The following TAPT1 variants were observed in gnomAD, a reference collection of about 807,000 sequenced individuals.
The protein encoded by TAPT1 is transmembrane anterior posterior transformation protein 1 homolog.
A neutral mutation model predicts 65.6 loss-of-function variants in TAPT1; 28 were observed. The observed-to-expected ratio is 0.43, with a 90% CI of 0.32 to 0.59. TAPT1 has a LOEUF of 0.59. TAPT1 is among the 20% of genes least tolerant of loss of function. The probability of loss-of-function intolerance (pLI) is 0.09; values close to 1 mark genes in which losing one functional copy is unlikely to be tolerated. For missense variants in TAPT1, 563 were observed against 679.9 expected (o/e 0.83, Z 1.91); for synonymous variants, 278 against 245.2 (o/e 1.13, Z -1.25).
At position 16,205,150 on chromosome 4, in the gene TAPT1, T is replaced by TC. The variant is rs145946825; in HGVS notation, c.331-2571dup. ...CTTCACCTTTTAAAAAATCTACGTG[T>TC]CCCTTTATGACAAAAATCTCCTGCC... On this transcript the variant is annotated intron_variant, in intron 2 of 13. Transcript: ENST00000405303. Among the ~76,000 whole-genome samples the TC allele has an allele frequency of 1.5e-3, 231 of 152,310 alleles. 1 individual carries two copies. The highest frequency in any genetic ancestry group is 5.2e-3 in the African/African-American group (218 of 41,568).
chr4:16,164,492 C>G (rs903255286), intron 13 of TAPT1, among the ~76,000 whole-genome samples: 6 of 152,214 alleles, frequency 3.9e-5, no homozygotes, highest in African/African-American at 1.4e-4. Flanking sequence ...CTTCTCATAA[C>G]ATGACCCCTG....
At chr4:16,187,719 A>G (rs1260440402) in intron 5 of TAPT1, among the ~76,000 whole-genome samples, 1 of 152,230 alleles carries the variant, frequency 6.6e-6, no homozygotes, top group African/African-American at 2.4e-5. Context: ...CTGCTTATAC[A>G]GTAAAGCACT....
chr4:16,189,027 A>T (rs1280182026), intron 4 of TAPT1, among the ~76,000 whole-genome samples: 1 of 152,180 alleles, frequency 6.6e-6, no homozygotes, highest in Non-Finnish European at 1.5e-5. Flanking sequence ...ATATCATTTG[A>T]CCTACTCATA....
At chr4:16,199,841 T>C (rs28618674) in intron 3 of TAPT1, among the ~76,000 whole-genome samples, 71,936 of 151,978 alleles carry the variant, frequency 0.47, 18,215 homozygotes, top group African/African-American at 0.66. Context: ...CCTCCCACCT[T>C]GGCCTCCCAA....
Position 16,226,328 on chromosome 4 carries a change from G to A in TAPT1, c.130C>T (p.Pro44Ser), listed in dbSNP as rs867094605. The change falls in exon 1 of 14, where the codon CCT (proline) becomes TCT (serine). Residue 44 changes from proline (P) to serine (S), a missense_variant. Physicochemically the swap from Pro to Ser is moderately conservative, Grantham distance 74. Transcript: ENST00000405303. ...GSGGQGPPPAPQLTETLGFYE... is the reference protein window; with the variant it reads ...GSGGQGPPPASQLTETLGFYE... ...AAGCCCAGCGTCTCTGTGAGCTGAG[G>A]CGCCGGCGGGGGCCCCTGTCCGCCG... 2 of 1,120,824 alleles carry A rather than the reference G, an allele frequency of 1.8e-6. No homozygotes were observed. Among genetic ancestry groups the A allele is most frequent in the South Asian group, 8.6e-5 (2 of 23,388 alleles). The allele number at this position is 1,120,824 out of a possible 1,614,324, so 69.4% of individuals were successfully genotyped here. A position where few individuals can be genotyped will look rare whatever the true frequency, so the allele number is the denominator to read the frequency against.
At chr4:16,227,073 C>G (rs1211345119), upstream of TAPT1, 1 of 454,812 alleles carries the variant, frequency 2.2e-6, no homozygotes, top group Admixed American at 2.3e-5. Flanking sequence ...GGTTCCATCT[C>G]TTCTGCATAT....
At position 16,219,760 on chromosome 4, in the gene TAPT1, T is replaced by C. The variant is rs80279881; in HGVS notation, c.200-5862A>G. Among the ~76,000 whole-genome samples, 372 of 152,330 alleles carry C rather than the reference T, an allele frequency of 2.4e-3. 6 individuals carry two copies. The East Asian group carries it at 0.061, about 25-fold the overall frequency. The stretch of plus-strand genomic sequence containing the variant: ...GAGAGTTAAACAGAGCAATTAATGG[T>C]GTCCATATTTTGTCCATTTTCATAT... On this transcript the variant is annotated intron_variant, in intron 1 of 13. Transcript: ENST00000405303.
At chr4:16,219,273 T>C (rs528794305) in intron 1 of TAPT1, among the ~76,000 whole-genome samples, 2 of 152,332 alleles carry the variant, frequency 1.3e-5, no homozygotes, top group Admixed American at 1.3e-4. Flanking sequence ...TCAAGTGCCT[T>C]TGTAAACAGG....
chr4:16,163,433 A>G lies in TAPT1; in HGVS notation c.1579T>C (p.Leu527=). 6.2e-7 allele frequency: 1 copy of G among 1,614,024 alleles called. No individual in the cohort carries two copies. The highest frequency in any genetic ancestry group is 8.5e-7 in the Non-Finnish European group (1 of 1,179,882). Residue 527 remains leucine (L), a synonymous_variant, in exon 14 of 14, where the codon TTG becomes CTG. Coordinates refer to ENST00000405303, the MANE Select transcript of TAPT1 (RefSeq NM_153365.3). ...TTCTCGTCACCATCTGGAGTTGTCA[A>G]AAACTGATCAGAATTGCTTGTCACA... ...LLVTSNSDQF[L]TTPDGDEKDI...
intron 1 of TAPT1, among the ~76,000 whole-genome samples, chr4:16,217,911 C>T (rs1751033607): frequency 6.6e-6 from 1 of 152,108 alleles, no homozygotes; most frequent in South Asian, 2.1e-4. Context: ...AACCTCAAAC[C>T]CCCTGAGGGA....
chr4:16,181,521 G>C (rs188346447), intron 7 of TAPT1, among the ~76,000 whole-genome samples: 1 of 152,144 alleles, frequency 6.6e-6, no homozygotes, highest in African/African-American at 2.4e-5. Context: ...CATTTCTAAG[G>C]ATACTGATGA....
intron 12 of TAPT1, among the ~76,000 whole-genome samples, chr4:16,168,786 T>C (rs1008874268): frequency 6.6e-6 from 1 of 152,250 alleles, no homozygotes; most frequent in East Asian, 1.9e-4. Context: ...TGGCTTCTTT[T>C]TGGCCAAGCC....
chr4:16,166,527 C>A (rs762474377), intron 13 of TAPT1, 106 bp downstream of exon 13: 146 of 1,400,576 alleles, frequency 1.0e-4, no homozygotes, highest in Non-Finnish European at 1.4e-4. Flanking sequence ...ACCCAAAAAT[C>A]TATGCAAAGG....
At position 16,199,249 on chromosome 4, in the gene TAPT1, T is replaced by A. The variant is rs556949978; in HGVS notation, c.449+3213A>T. ...TTAGTGATAGCATGAAATTAATTTT[T>A]CAGTTAATCCAAAGCAGAAATAGTA... On this transcript the variant is annotated intron_variant, in intron 3 of 13. Transcript: ENST00000405303. Among the ~76,000 whole-genome samples the A allele has an allele frequency of 6.6e-5, 10 of 152,360 alleles. No homozygotes were observed. In the East Asian group the frequency reaches 1.9e-3, roughly 29 times the overall value.
chr4:16,226,964 C>T, upstream of TAPT1: 1 of 409,322 alleles, frequency 2.4e-6, no homozygotes, highest in Non-Finnish European at 4.8e-6. Context: ...GCCGGCGCCG[C>T]CCGCCAGGTC....
chr4:16,205,612 G>A (rs1328146070), intron 2 of TAPT1, among the ~76,000 whole-genome samples: 5 of 152,122 alleles, frequency 3.3e-5, no homozygotes, highest in African/African-American at 1.2e-4. Context: ...GGGGGCAGGT[G>A]AGAGTGGCAT....
chr4:16,172,912 C>T (rs189652541), intron 11 of TAPT1, among the ~76,000 whole-genome samples: 62 of 152,196 alleles, frequency 4.1e-4, no homozygotes, highest in Admixed American at 1.2e-3. Flanking sequence ...GCAACCTTCC[C>T]TCCCAGGTTC....
intron 1 of TAPT1, 95 bp from the exon 2 acceptor site, chr4:16,213,993 A>G: frequency 1.0e-6 from 1 of 991,646 alleles, no homozygotes; most frequent in Non-Finnish European, 1.4e-6. Context: ...ATATAAAACA[A>G]AGAGACCAAA....
At chr4:16,202,852 CT>C (rs1750120631) in intron 2 of TAPT1, among the ~76,000 whole-genome samples, 1 of 152,184 alleles carries the variant, frequency 6.6e-6, no homozygotes. Flanking sequence ...TTTCTGAGTA[CT>C]TCCTCAAGCT....
Sources: allele counts gnomAD v4.1 joint callset (sites outside exome capture counted in the v4.1 genomes callset), GRCh38; gene constraint gnomAD v4.1.1; transcripts MANE v1.5; gene names NCBI Gene and HGNC (gene_info 2026-07-23, HGNC 2026-07-21).